Variants in TRPC7 observed in about 807,000 individuals in gnomAD.
TRPC7 encodes transient receptor potential cation channel subfamily C member 7.
TRPC7 carries 42 observed loss-of-function variants against 90.1 expected under a neutral mutation model. That is an observed-to-expected ratio of 0.47 (90% CI 0.36 to 0.60). The LOEUF (loss-of-function observed/expected upper bound fraction) is 0.60, where lower values mean the gene tolerates loss of function less well. Ranked by LOEUF, TRPC7 falls within the 20% of genes least tolerant of loss-of-function variation. TRPC7 has a pLI of 0.00. For synonymous variants in TRPC7, 451 were observed against 436.3 expected, an observed-to-expected ratio of 1.03 and a Z score of -0.42; for missense variants, 955 against 1,112.3, an observed-to-expected ratio of 0.86 and a Z score of 2.01.
chr5:136,239,071 T>G (rs1756078211), intron 7 of TRPC7, among the ~76,000 whole-genome samples: 1 of 152,180 alleles, frequency 6.6e-6, no homozygotes, highest in South Asian at 2.1e-4. Context: ...CTTAGAACTT[T>G]TCTGTGCTGG....
intron 3 of TRPC7, among the ~76,000 whole-genome samples, chr5:136,313,382 T>C (rs1280264337): frequency 1.5e-5 from 2 of 133,648 alleles, no homozygotes; most frequent in East Asian, 4.1e-4. Flanking sequence ...TGTCTGTCTA[T>C]CTATCTATCT....
chr5:136,300,630 A>C (rs1758345327), intron 3 of TRPC7, among the ~76,000 whole-genome samples: 1 of 152,220 alleles, frequency 6.6e-6, no homozygotes, highest in Non-Finnish European at 1.5e-5. Flanking sequence ...GCTTTCCTGG[A>C]TAGCTCTTTT....
At chr5:136,339,536 T>G (rs887308934) in intron 2 of TRPC7, among the ~76,000 whole-genome samples, 2 of 152,188 alleles carry the variant, frequency 1.3e-5, no homozygotes, top group African/African-American at 4.8e-5. Context: ...GACTAATGTT[T>G]GAGATCTTTT....
intron 7 of TRPC7, among the ~76,000 whole-genome samples, chr5:136,235,530 T>C (rs115537991): frequency 0.015 from 2,319 of 152,274 alleles, 47 homozygotes; most frequent in African/African-American, 0.046. Flanking sequence ...TGGAGCTGGC[T>C]CTAATGCCCC....
intron 5 of TRPC7, among the ~76,000 whole-genome samples, chr5:136,258,803 G>C: frequency 6.6e-6 from 1 of 152,248 alleles, no homozygotes; most frequent in Admixed American, 6.5e-5. Flanking sequence ...AATGGTCCTG[G>C]CCCCCAGGGG....
intron 3 of TRPC7, among the ~76,000 whole-genome samples, chr5:136,286,950 G>A (rs1008657045): frequency 1.3e-5 from 2 of 152,102 alleles, no homozygotes; most frequent in African/African-American, 4.8e-5. Flanking sequence ...TCTGAAATCT[G>A]GCTCTTAAAC....
intron 4 of TRPC7, among the ~76,000 whole-genome samples, chr5:136,272,976 A>T (rs1234100033): frequency 6.6e-6 from 1 of 152,208 alleles, no homozygotes; most frequent in Non-Finnish European, 1.5e-5. Flanking sequence ...TTAGTCAGCA[A>T]CTACTCTTTC....
At chr5:136,320,626 C>T (rs1759165702) in intron 2 of TRPC7, among the ~76,000 whole-genome samples, 1 of 152,174 alleles carries the variant, frequency 6.6e-6, no homozygotes, top group African/African-American at 2.4e-5. Flanking sequence ...ACTACCTACA[C>T]TATCCTCCAG....
chr5:136,291,761 G>C (rs1360582616), intron 3 of TRPC7, among the ~76,000 whole-genome samples: 5 of 152,120 alleles, frequency 3.3e-5, no homozygotes, highest in African/African-American at 1.2e-4. Context: ...AGGATATCCA[G>C]GAATTGAACT....
At chr5:136,329,635 C>T (rs1759441015) in intron 2 of TRPC7, among the ~76,000 whole-genome samples, 1 of 152,112 alleles carries the variant, frequency 6.6e-6, no homozygotes, top group South Asian at 2.1e-4. Flanking sequence ...AATGTGTGGA[C>T]TGTGATGAAT....
At chr5:136,253,898 T>A (rs1050528660) in intron 5 of TRPC7, among the ~76,000 whole-genome samples, 1 of 152,180 alleles carries the variant, frequency 6.6e-6, no homozygotes, top group South Asian at 2.1e-4. Flanking sequence ...GTGCCAGACA[T>A]CTAAGTTCTG....
At chr5:136,304,676 A>G (rs1758542477) in intron 3 of TRPC7, among the ~76,000 whole-genome samples, 1 of 152,174 alleles carries the variant, frequency 6.6e-6, no homozygotes, top group African/African-American at 2.4e-5. Flanking sequence ...TACTGCTGCA[A>G]GGCTTCACAG....
intron 10 of TRPC7, among the ~76,000 whole-genome samples, chr5:136,219,591 C>T (rs1223199196): frequency 6.6e-6 from 1 of 152,126 alleles, no homozygotes; most frequent in African/African-American, 2.4e-5. Context: ...TATGGCGAAA[C>T]CCCATCTCTA....
intron 1 of TRPC7, among the ~76,000 whole-genome samples, chr5:136,359,275 C>T (rs760711012): frequency 1.3e-5 from 2 of 152,194 alleles, no homozygotes; most frequent in Non-Finnish European, 2.9e-5. Context: ...AGCTGAGTCA[C>T]ACTTCCCTTG....
At position 136,315,549 on chromosome 5, in the gene TRPC7, C is replaced by T. The variant is rs760093041; in HGVS notation, c.963+48G>A. On this transcript the variant is annotated intron_variant, in intron 3 of 11. Transcript: ENST00000513104. ...GAGCAAAAAGCAAGGCCAGCAGCCCCGAGAAGAGAGGTGAGATGGGAAGAC... is the reference window on the plus strand; with the variant it reads ...GAGCAAAAAGCAAGGCCAGCAGCCCTGAGAAGAGAGGTGAGATGGGAAGAC... The T allele has an allele frequency of 4.1e-5, 66 of 1,597,216 alleles. No individual in the cohort carries two copies. In the Admixed American group the frequency reaches 5.9e-4, roughly 14 times the overall value.
At chr5:136,309,396 T>G (rs1758755559) in intron 3 of TRPC7, among the ~76,000 whole-genome samples, 1 of 152,204 alleles carries the variant, frequency 6.6e-6, no homozygotes, top group South Asian at 2.1e-4. Context: ...TTTTTCCCAT[T>G]TTTTTACTTT....
rs143436677 is a variant in TRPC7, at chr5:136,307,762, C to T, written c.963+7835G>A. ...GGGAGTCCTCACAGCAAGGAACTCT[C>T]TGGCCCAAAGTGTTAAGGTGTCGGG... On this transcript the variant is annotated intron_variant, in intron 3 of 11. Coordinates refer to ENST00000513104, the MANE Select transcript of TRPC7 (RefSeq NM_020389.3). Among the ~76,000 whole-genome samples the T allele has an allele frequency of 1.1e-3, 168 of 152,322 alleles. 3 individuals are homozygous for T. Among genetic ancestry groups the T allele is most frequent in the African/African-American group, 3.9e-3 (161 of 41,568 alleles).
intron 3 of TRPC7, among the ~76,000 whole-genome samples, chr5:136,299,500 G>T (rs2149830121): frequency 6.6e-6 from 1 of 151,868 alleles, no homozygotes. Flanking sequence ...CATAAATTAA[G>T]CAAAAATTTT....
chr5:136,297,422 T>C (rs1277585187), intron 3 of TRPC7, among the ~76,000 whole-genome samples: 3 of 152,176 alleles, frequency 2.0e-5, no homozygotes, highest in East Asian at 3.9e-4. Flanking sequence ...ATGGGTTTAG[T>C]AGGGAATAAT....
Sources: allele counts gnomAD v4.1 joint callset (sites outside exome capture counted in the v4.1 genomes callset), GRCh38; gene constraint gnomAD v4.1.1; transcripts MANE v1.5; gene names NCBI Gene and HGNC (gene_info 2026-07-23, HGNC 2026-07-21).